The following WNT2 variants were observed in gnomAD, a reference collection of about 807,000 sequenced individuals.
The protein encoded by WNT2 is protein Wnt-2.
A neutral mutation model predicts 36.9 loss-of-function variants in WNT2; 12 were observed. That is an observed-to-expected ratio of 0.33 (90% CI 0.21 to 0.53). The LOEUF is 0.53. Ranked by LOEUF, WNT2 falls within the 20% of genes least tolerant of loss-of-function variation. The pLI is 0.95. For missense variants in WNT2, 379 were observed against 473.1 expected, an observed-to-expected ratio of 0.80 and a Z score of 1.84; for synonymous variants, 163 against 174.6, an observed-to-expected ratio of 0.93 and a Z score of 0.52.
chr7:117,312,847 C>G (rs1161662273), intron 3 of WNT2, among the ~76,000 whole-genome samples: 1 of 152,130 alleles, frequency 6.6e-6, no homozygotes, highest in African/African-American at 2.4e-5. Flanking sequence ...AAAATTAAGG[C>G]CCGTTATGAA....
chr7:117,282,226 T>C (rs978682191), intron 4 of WNT2, among the ~76,000 whole-genome samples: 1 of 152,332 alleles, frequency 6.6e-6, no homozygotes, highest in East Asian at 1.9e-4. Flanking sequence ...TCAGGTTTTT[T>C]ATCTGGGCAC....
intron 4 of WNT2, among the ~76,000 whole-genome samples, chr7:117,293,303 C>T (rs1794726936): frequency 6.6e-6 from 1 of 152,102 alleles, no homozygotes; most frequent in Admixed American, 6.5e-5. Flanking sequence ...CTACCTTGGA[C>T]AGGAAGCAGT....
Position 117,277,938 on chromosome 7 carries a change from G to A in WNT2, c.*217C>T, listed in dbSNP as rs556211182. On this transcript the variant is annotated 3_prime_UTR_variant, in exon 5 of 5. Transcript: ENST00000265441. The stretch of plus-strand genomic sequence containing the variant: ...GAACTCGCCAGGAGGGGAGATGACT[G>A]CAGAACACCAGGAGATGGATAGAAT... 46 of 582,942 alleles carry A rather than the reference G, an allele frequency of 7.9e-5. No homozygotes were observed. The East Asian group carries it at 1.1e-3, about 14-fold the overall frequency. 36.1% of individuals were successfully genotyped at this position (582,942 alleles called of 1,614,324 possible).
intron 2 of WNT2, among the ~76,000 whole-genome samples, chr7:117,320,264 G>A (rs1176953465): frequency 6.6e-6 from 1 of 152,152 alleles, no homozygotes; most frequent in East Asian, 1.9e-4. Context: ...CCTCCCTCTC[G>A]TCTCTTAGAG....
chr7:117,312,877 C>T (rs1211262314), intron 3 of WNT2, among the ~76,000 whole-genome samples: 1 of 152,128 alleles, frequency 6.6e-6, no homozygotes, highest in Non-Finnish European at 1.5e-5. Context: ...TGAATTCTGA[C>T]TTTTAACATT....
intron 4 of WNT2, among the ~76,000 whole-genome samples, chr7:117,289,343 C>A (rs978310334): frequency 7.2e-5 from 11 of 152,182 alleles, no homozygotes; most frequent in Non-Finnish European, 1.2e-4. Context: ...CAGGCGTGAG[C>A]CACTGCGCCC....
intron 2 of WNT2, among the ~76,000 whole-genome samples, chr7:117,316,278 C>T (rs1158244023): frequency 6.6e-6 from 1 of 152,180 alleles, no homozygotes. Context: ...TTTTAATAAT[C>T]TGTAGTAACT....
chr7:117,310,702 C>T (rs7794310), intron 3 of WNT2, among the ~76,000 whole-genome samples: 3,172 of 151,910 alleles, frequency 0.021, 99 homozygotes, highest in African/African-American at 0.072. Context: ...GTTCTTGTAT[C>T]CCTCAACTTT....
intron 3 of WNT2, among the ~76,000 whole-genome samples, chr7:117,314,667 T>A (rs1022913344): frequency 2.0e-5 from 3 of 150,496 alleles, no homozygotes; most frequent in African/African-American, 7.3e-5. Context: ...GTTTTCATGA[T>A]ACATGTAAGA....
At chr7:117,297,125 G>A (rs924329547) in intron 4 of WNT2, among the ~76,000 whole-genome samples, 3 of 152,140 alleles carry the variant, frequency 2.0e-5, no homozygotes, top group African/African-American at 7.2e-5. Context: ...GCTAATCTGC[G>A]TATCTTGACT....
intron 4 of WNT2, among the ~76,000 whole-genome samples, chr7:117,295,711 G>A (rs1049471854): frequency 1.3e-5 from 2 of 152,196 alleles, no homozygotes; most frequent in African/African-American, 2.4e-5. Flanking sequence ...AGGCAGGCAG[G>A]AGCAACTGTC....
intron 3 of WNT2, among the ~76,000 whole-genome samples, chr7:117,311,516 C>T (rs1329334902): frequency 1.3e-5 from 2 of 152,094 alleles, no homozygotes; most frequent in Non-Finnish European, 2.9e-5. Flanking sequence ...AATATGAATA[C>T]TATTTTTTAT....
chr7:117,314,232 A>T (rs1240031497), intron 3 of WNT2, among the ~76,000 whole-genome samples: 1 of 152,248 alleles, frequency 6.6e-6, no homozygotes, highest in African/African-American at 2.4e-5. Context: ...CAAGTACAGC[A>T]TTAAATTCTC....
chr7:117,315,411 T>G, intron 2 of WNT2, 63 bp from the exon 3 acceptor site: 4 of 1,498,132 alleles, frequency 2.7e-6, no homozygotes, highest in East Asian at 2.3e-5. Flanking sequence ...AACTTTCATA[T>G]GACAATTGTT....
intron 4 of WNT2, among the ~76,000 whole-genome samples, chr7:117,294,609 AAAG>A (rs1275088505): frequency 3.3e-5 from 5 of 151,948 alleles, no homozygotes; most frequent in Non-Finnish European, 7.4e-5. Context: ...AAAAAAAAAA[AAAG>A]AATAGGGTAG....
intron 4 of WNT2, among the ~76,000 whole-genome samples, chr7:117,294,770 C>T (rs1237010824): frequency 2.0e-5 from 3 of 152,134 alleles, no homozygotes; most frequent in South Asian, 2.1e-4. Context: ...CTGTGTGCAG[C>T]GAGAGGCAGA....
At chr7:117,279,136 G>A (rs1794435422) in intron 4 of WNT2, among the ~76,000 whole-genome samples, 1 of 152,220 alleles carries the variant, frequency 6.6e-6, no homozygotes, top group Non-Finnish European at 1.5e-5. Flanking sequence ...GTTAATCAGG[G>A]TGATGTTTGC....
chr7:117,318,949 T>G (rs1458614212), intron 2 of WNT2, among the ~76,000 whole-genome samples: 2 of 152,330 alleles, frequency 1.3e-5, no homozygotes, highest in South Asian at 2.1e-4. Context: ...TCAATATTGC[T>G]TCCTTTGATA....
intron 3 of WNT2, among the ~76,000 whole-genome samples, chr7:117,303,416 G>T (rs1190482960): frequency 6.6e-6 from 1 of 152,182 alleles, no homozygotes; most frequent in Non-Finnish European, 1.5e-5. Flanking sequence ...GCTTTGGAGG[G>T]AATGAAAGAT....
Sources: gnomAD v4.1 joint callset for allele counts (sites outside exome capture counted in the v4.1 genomes callset) on GRCh38, gnomAD v4.1.1 for gene constraint, MANE v1.5 for transcripts, NCBI Gene and HGNC (gene_info 2026-07-23, HGNC 2026-07-21) for gene names.